CDH13: variants seen among roughly 807,000 people sequenced by gnomAD.
CDH13 encodes cadherin 13, also known as cadherin-13.
In CDH13, 24 loss-of-function variants were observed where a neutral mutation model predicts 63.8. The observed-to-expected ratio is 0.38, with a 90% CI of 0.27 to 0.53. The LOEUF (loss-of-function observed/expected upper bound fraction) is 0.53. CDH13 is among the 20% of genes least tolerant of loss of function. CDH13 has a pLI of 0.85. For synonymous variants in CDH13, 503 were observed against 355.3 expected, an observed-to-expected ratio of 1.42 and a Z score of -4.67; for missense variants, 1,049 against 903.1, an observed-to-expected ratio of 1.16 and a Z score of -2.07.
At chr16:83,487,310 T>C (rs1045699108) in intron 7 of CDH13, among the ~76,000 whole-genome samples, 2 of 152,188 alleles carry the variant, frequency 1.3e-5, no homozygotes, top group Non-Finnish European at 2.9e-5. Flanking sequence ...AGATTTCACG[T>C]TTCTGTTTTA....
chr16:82,720,724 A>C (rs1049960185), intron 1 of CDH13, among the ~76,000 whole-genome samples: 1 of 152,090 alleles, frequency 6.6e-6, no homozygotes, highest in African/African-American at 2.4e-5. Flanking sequence ...ATTGAAGAAA[A>C]CAGCATTATA....
At chr16:82,660,905 A>G (rs1280521784) in intron 1 of CDH13, among the ~76,000 whole-genome samples, 1 of 152,120 alleles carries the variant, frequency 6.6e-6, no homozygotes, top group Non-Finnish European at 1.5e-5. Context: ...ATAACTGATT[A>G]TAATTTAACA....
intron 7 of CDH13, among the ~76,000 whole-genome samples, chr16:83,517,218 A>AACT (rs2074717597): frequency 6.6e-6 from 1 of 152,236 alleles, no homozygotes; most frequent in African/African-American, 2.4e-5. Context: ...CTTGCAAGAC[A>AACT]GTTTAAGGAT....
chr16:83,381,082 C>G (rs2091558152), intron 6 of CDH13, among the ~76,000 whole-genome samples: 1 of 152,104 alleles, frequency 6.6e-6, no homozygotes, highest in African/African-American at 2.4e-5. Context: ...TTATTGCTTT[C>G]TTGTTCCAGG....
rs147393335 is a variant in CDH13 at position 82,962,950 on chromosome 16, G to A, written c.158-69060G>A. The stretch of plus-strand genomic sequence containing the variant: ...GATATATAAGCAAAATAATAATTTA[G>A]TAAAAGGTGTAATTATTTTTCTTCC... On this transcript the variant is annotated intron_variant, in intron 2 of 13. Coordinates refer to ENST00000567109, the MANE Select transcript of CDH13 (RefSeq NM_001257.5). 8.1e-3 allele frequency among the ~76,000 whole-genome samples: 1,228 copies of A among 152,214 alleles called. 28 individuals carry two copies. Among genetic ancestry groups the A allele is most frequent in the African/African-American group, 0.028 (1,181 of 41,518 alleles).
chr16:82,901,324 C>CTGTGTG (rs61370328), intron 2 of CDH13, among the ~76,000 whole-genome samples: 10,622 of 130,290 alleles, frequency 0.082, 497 homozygotes, highest in Admixed American at 0.11. Context: ...TAGTATTCTC[C>CTGTGTG]TGTGTGTGTG....
chr16:82,910,122 C>G (rs1042111711), intron 2 of CDH13, among the ~76,000 whole-genome samples: 1 of 152,198 alleles, frequency 6.6e-6, no homozygotes, highest in African/African-American at 2.4e-5. Flanking sequence ...ATGCCGATGT[C>G]TGAGTCATCT....
intron 5 of CDH13, among the ~76,000 whole-genome samples, chr16:83,326,719 C>G (rs762988615): frequency 8.5e-5 from 13 of 152,114 alleles, no homozygotes; most frequent in Non-Finnish European, 1.5e-4. Flanking sequence ...AGCAAAGGAA[C>G]AAGTCACTAA....
intron 10 of CDH13, chr16:83,729,062 A>G (rs940584099): frequency 7.2e-5 from 11 of 152,264 alleles, no homozygotes; most frequent in African/African-American, 2.6e-4. Flanking sequence ...ATCCTATCAG[A>G]TCAGAGCTCC....
At chr16:83,536,082 C>G (rs2075182119) in intron 7 of CDH13, among the ~76,000 whole-genome samples, 2 of 152,088 alleles carry the variant, frequency 1.3e-5, no homozygotes, top group Admixed American at 1.3e-4. Context: ...CATGAACACC[C>G]AGGAAATGGG....
At chr16:83,759,481 G>A (rs1913780744) in intron 11 of CDH13, among the ~76,000 whole-genome samples, 1 of 151,712 alleles carries the variant, frequency 6.6e-6, no homozygotes, top group Admixed American at 6.6e-5. Context: ...CTTTGTGTAA[G>A]CAAAGCTTTT....
At chr16:83,268,025 G>A (rs768362516) in intron 5 of CDH13, among the ~76,000 whole-genome samples, 2 of 152,056 alleles carry the variant, frequency 1.3e-5, no homozygotes, top group African/African-American at 2.4e-5. Context: ...ACCTTCTTTG[G>A]CCACATGACT....
At chr16:82,841,987 T>A (rs530307596) in intron 1 of CDH13, among the ~76,000 whole-genome samples, 2 of 150,940 alleles carry the variant, frequency 1.3e-5, no homozygotes, top group Non-Finnish European at 3.0e-5. Context: ...GGGGAGCTGG[T>A]CATTAAACAC....
chr16:83,237,173 C>A (rs983762360), intron 5 of CDH13, among the ~76,000 whole-genome samples: 40 of 152,166 alleles, frequency 2.6e-4, no homozygotes, highest in Non-Finnish European at 4.7e-4. Flanking sequence ...GTGTTCAGTA[C>A]ACAAGAGAGG....
intron 6 of CDH13, among the ~76,000 whole-genome samples, chr16:83,480,263 C>G (rs2073727373): frequency 6.6e-6 from 1 of 152,190 alleles, no homozygotes; most frequent in African/African-American, 2.4e-5. Context: ...CTGCAGTGAG[C>G]TGTGATCATA....
chr16:83,192,473 G>A, intron 4 of CDH13, among the ~76,000 whole-genome samples: 1 of 152,208 alleles, frequency 6.6e-6, no homozygotes, highest in Non-Finnish European at 1.5e-5. Flanking sequence ...CTGCAATCTT[G>A]CATTTGGTGC....
At chr16:83,575,856 C>T (rs1905053055) in intron 7 of CDH13, among the ~76,000 whole-genome samples, 1 of 152,156 alleles carries the variant, frequency 6.6e-6, no homozygotes, top group African/African-American at 2.4e-5. Context: ...GAGCAAGGTC[C>T]AGGACTATTT....
intron 8 of CDH13, among the ~76,000 whole-genome samples, chr16:83,650,586 A>C (rs1912278354): frequency 6.6e-6 from 1 of 152,152 alleles, no homozygotes; most frequent in African/African-American, 2.4e-5. Flanking sequence ...CAATGTCTGA[A>C]CACATTTTTT....
chr16:82,754,556 A>C (rs144099201), intron 1 of CDH13, among the ~76,000 whole-genome samples: 1 of 152,158 alleles, frequency 6.6e-6, no homozygotes, highest in African/African-American at 2.4e-5. Context: ...TGCTTTTCCT[A>C]TTGCTAAGCA....
Sources: gnomAD v4.1 joint callset for allele counts (sites outside exome capture counted in the v4.1 genomes callset) on GRCh38, gnomAD v4.1.1 for gene constraint, MANE v1.5 for transcripts, NCBI Gene and HGNC (gene_info 2026-07-23, HGNC 2026-07-21) for gene names.